C12orf43: variants seen among roughly 807,000 people sequenced by gnomAD.
C12orf43 encodes protein CUSTOS.
C12orf43 carries 15 observed loss-of-function variants against 20.6 expected under a neutral mutation model. The observed-to-expected ratio is 0.73, with a 90% confidence interval of 0.49 to 1.12. The LOEUF is 1.12. Ranked by LOEUF, C12orf43 falls within the 50% of genes most tolerant of loss-of-function variation. The pLI is 0.00. For synonymous variants in C12orf43, 144 were observed against 130.8 expected (o/e 1.10, Z -0.69); for missense variants, 334 against 344.4 (o/e 0.97, Z 0.24).
intron 1 of C12orf43, chr12:121,012,454 G>A (rs1868460149): frequency 1.4e-6 from 1 of 702,526 alleles, no homozygotes; most frequent in Non-Finnish European, 2.6e-6. Flanking sequence ...AACATCTTTG[G>A]CTGCTGTGCA....
intron 3 of C12orf43, 147 bp from the exon 4 acceptor site, chr12:121,006,541 G>A: frequency 2.8e-6 from 2 of 702,134 alleles, no homozygotes; most frequent in South Asian, 1.7e-5. Flanking sequence ...TGATGGTCTG[G>A]TTATAACATG....
At chr12:121,012,443 G>A (rs1003717778) in intron 1 of C12orf43, 41 of 702,528 alleles carry the variant, frequency 5.8e-5, no homozygotes, top group Non-Finnish European at 1.0e-4. Context: ...GGTTTTGACA[G>A]AACATCTTTG....
chr12:121,001,333 T>C lies in C12orf43; in HGVS notation c.*2820A>G. 9.4e-7 allele frequency: 1 copy of C among 1,059,304 alleles called. No homozygotes were observed. Among genetic ancestry groups the C allele is most frequent in the Non-Finnish European group, 1.4e-6 (1 of 725,838 alleles). The allele number at this position is 1,059,304 out of a possible 1,614,324, so 65.6% of individuals were successfully genotyped here. ...CTGTGCCTCGCTCCCCACTCTGCTC[T>C]GATGCATCAGAAAGGGAGGGCTCTG... On this transcript the variant is annotated 3_prime_UTR_variant, in exon 6 of 6. Coordinates refer to ENST00000288757, the MANE Select transcript of C12orf43 (RefSeq NM_022895.3).
At position 121,001,910 on chromosome 12, in the gene C12orf43, TC is replaced by T. The variant is rs1877515108; in HGVS notation, c.*2242del. On this transcript the variant is annotated 3_prime_UTR_variant, in exon 6 of 6. Transcript: ENST00000288757. Reference sequence around the variant, plus strand: ...TGACCTCCAGCTTTCCTGTATTTGTTCCCAAGAGCATCATGCCTCTGAGGCC... The same window carrying T: ...TGACCTCCAGCTTTCCTGTATTTGTTCCAAGAGCATCATGCCTCTGAGGCC... 1 of 514,548 alleles carries T rather than the reference TC, an allele frequency of 1.9e-6. No individual in the cohort carries two copies. The allele number at this position is 514,548 out of a possible 1,614,324, so 31.9% of individuals were successfully genotyped here.
intron 1 of C12orf43, among the ~76,000 whole-genome samples, chr12:121,013,311 C>T (rs1868573382): frequency 6.6e-6 from 1 of 152,184 alleles, no homozygotes; most frequent in Non-Finnish European, 1.5e-5. Context: ...AGGTGAGGTA[C>T]CGTCAGGGAA....
Position 121,001,187 on chromosome 12 carries a change from C to T in C12orf43, c.*2966G>A, listed in dbSNP as rs769244979. 6.2e-7 allele frequency: 1 copy of T among 1,614,052 alleles called. No homozygotes were observed. The highest frequency in any genetic ancestry group is 8.5e-7 in the Non-Finnish European group (1 of 1,180,002). Reference sequence around the variant, plus strand: ...CTCCACCCAGATGGCCTCTTCCTCCCAGTAACCACGGCACCTGGGCCCTGG... The same window carrying T: ...CTCCACCCAGATGGCCTCTTCCTCCTAGTAACCACGGCACCTGGGCCCTGG... On this transcript the variant is annotated 3_prime_UTR_variant, in exon 6 of 6. Coordinates refer to ENST00000288757, the MANE Select transcript of C12orf43 (RefSeq NM_022895.3).
chr12:121,012,929 G>C (rs1029463429), intron 1 of C12orf43, among the ~76,000 whole-genome samples: 3 of 149,788 alleles, frequency 2.0e-5, no homozygotes, highest in Non-Finnish European at 4.4e-5. Context: ...AGAAATGAGT[G>C]AAAGTTAGCT....
chr12:121,005,662 T>C lies in C12orf43; in HGVS notation c.362-569A>G, dbSNP rs971831719. The stretch of plus-strand genomic sequence containing the variant: ...TGGGCGAGGCTGTGGAGGGCAGCAG[T>C]AAAGTGCTCCTGCTCAGGGTGACAC... On this transcript the variant is annotated intron_variant, in intron 4 of 5. Coordinates refer to ENST00000288757, the MANE Select transcript of C12orf43 (RefSeq NM_022895.3). This position sits in a 1 kb window ranked among gnomAD's most constrained non-coding sequence, Gnocchi z 5.6. 6.6e-6 allele frequency among the ~76,000 whole-genome samples: 1 copy of C among 152,210 alleles called. No individual in the cohort carries two copies. The highest frequency in any genetic ancestry group is 2.4e-5 in the African/African-American group (1 of 41,464).
Position 121,003,973 on chromosome 12 carries a change from CT to C in C12orf43, c.*179del. On this transcript the variant is annotated 3_prime_UTR_variant, in exon 6 of 6. Transcript: ENST00000288757. ...GATTGGTCTTCTCACCCTACAGCCA[CT>C]TTTTTGGCCCAACTCTCGAGCAAGC... The C allele has an allele frequency of 8.7e-6, 6 of 686,776 alleles. No homozygotes were observed. Among genetic ancestry groups the C allele is most frequent in the Admixed American group, 2.5e-5 (1 of 39,600 alleles). 42.5% of individuals were successfully genotyped at this position (686,776 alleles called of 1,614,324 possible).
Position 121,004,574 on chromosome 12 carries a change from G to A in C12orf43, c.453-85C>T. On this transcript the variant is annotated intron_variant, in intron 5 of 5. Coordinates refer to ENST00000288757, the MANE Select transcript of C12orf43 (RefSeq NM_022895.3). The surrounding 1 kb of genome is among the most constrained non-coding windows in gnomAD (Gnocchi z 5.6). The stretch of plus-strand genomic sequence containing the variant: ...CTCTCGCTGTCCTCCCTTGGTCCAG[G>A]TCACCAGAAGGTGGCCGCAGAGAGA... The A allele has an allele frequency of 7.2e-7, 1 of 1,387,864 alleles. No individual in the cohort carries two copies. The highest frequency in any genetic ancestry group is 9.7e-7 in the Non-Finnish European group (1 of 1,029,920). The allele number at this position is 1,387,864 out of a possible 1,614,324, so 86.0% of individuals were successfully genotyped here.
At chr12:121,015,513 A>T (rs1401507089) in intron 1 of C12orf43, among the ~76,000 whole-genome samples, 1 of 152,230 alleles carries the variant, frequency 6.6e-6, no homozygotes, top group Non-Finnish European at 1.5e-5. Flanking sequence ...ATGATACCGA[A>T]ATTTAATTAT....
chr12:121,012,060 C>T (rs972543981), intron 1 of C12orf43, among the ~76,000 whole-genome samples: 1 of 151,712 alleles, frequency 6.6e-6, no homozygotes, highest in African/African-American at 2.4e-5. Flanking sequence ...ACAAAGTAGG[C>T]GAGAGAGGTG....
intron 1 of C12orf43, among the ~76,000 whole-genome samples, chr12:121,014,643 TGC>T (rs1340527747): frequency 9.1e-5 from 1 of 11,030 alleles, no homozygotes; most frequent in Non-Finnish European, 1.9e-4. Flanking sequence ...AAAAAAAAAA[TGC>T]AAAAAAAAAA....
chr12:121,005,823 G>C lies in C12orf43; in HGVS notation c.361+498C>G, dbSNP rs1448510735. On this transcript the variant is annotated intron_variant, in intron 4 of 5. Coordinates refer to ENST00000288757, the MANE Select transcript of C12orf43 (RefSeq NM_022895.3). This position sits in a 1 kb window ranked among gnomAD's most constrained non-coding sequence, Gnocchi z 5.6. Reference sequence around the variant, plus strand: ...AAGAATGGTGAGGTGGCCCATGCCTGTAACCCCAGTACTTTGGTAGTCTGA... The same window carrying C: ...AAGAATGGTGAGGTGGCCCATGCCTCTAACCCCAGTACTTTGGTAGTCTGA... The C allele has an allele frequency of 6.3e-6, 1 of 159,702 alleles. No individual in the cohort carries two copies. The highest frequency in any genetic ancestry group is 1.4e-5 in the Non-Finnish European group (1 of 72,980). 9.9% of individuals were successfully genotyped at this position (159,702 alleles called of 1,614,324 possible).
In C12orf43 at chr12:121,006,250, T is replaced by G; in HGVS notation, c.361+71A>C. On this transcript the variant is annotated intron_variant, in intron 4 of 5. Coordinates refer to ENST00000288757, the MANE Select transcript of C12orf43 (RefSeq NM_022895.3). The stretch of plus-strand genomic sequence containing the variant: ...AAAAAAAAAAAGAATATACCAAAAC[T>G]GTTTCGCCCACCTCCAGACACACAT... 6 of 1,319,976 alleles carry G rather than the reference T, an allele frequency of 4.5e-6. No individual in the cohort carries two copies. The South Asian group carries it at 5.0e-5, about 11-fold the overall frequency. 81.8% of individuals were successfully genotyped at this position (1,319,976 alleles called of 1,614,324 possible). A position where few individuals can be genotyped will look rare whatever the true frequency, so the allele number is the denominator to read the frequency against.
chr12:121,002,195 C>T lies in C12orf43; in HGVS notation c.*1958G>A, dbSNP rs1297404904. 2.2e-6 allele frequency: 1 copy of T among 459,492 alleles called. No homozygotes were observed. Among genetic ancestry groups the T allele is most frequent in the African/African-American group, 2.0e-5 (1 of 51,274 alleles). 28.5% of individuals were successfully genotyped at this position (459,492 alleles called of 1,614,324 possible). On this transcript the variant is annotated 3_prime_UTR_variant, in exon 6 of 6. Transcript: ENST00000288757. ...AGAAGAAAGAGGTGACCCCAGGGCA[C>T]AGGAGCTACCTGTGTGGACAGGACT...
rs2135855115 is a variant in C12orf43 at position 121,001,248 on chromosome 12, G to A, written c.*2905C>T. 6.2e-7 allele frequency: 1 copy of A among 1,602,476 alleles called. No individual in the cohort carries two copies. ...GCCTGCTTGGGGGGTGATGAGGGCAGCAGCCAGCCCTGCCTGGAGGACCTG... is the reference window on the plus strand; with the variant it reads ...GCCTGCTTGGGGGGTGATGAGGGCAACAGCCAGCCCTGCCTGGAGGACCTG... On this transcript the variant is annotated 3_prime_UTR_variant, in exon 6 of 6. Transcript: ENST00000288757.
At position 121,009,327 on chromosome 12, in the gene C12orf43, G is replaced by A. The variant is rs536778115; in HGVS notation, c.287+1501C>T. ...AAAATTAGCCAAGCGTGGTGGGTGC[G>A]CACCTGTAACCCCAGCTACTCAGGA... is the stretch of plus-strand genomic sequence containing the variant. On this transcript the variant is annotated intron_variant, in intron 3 of 5. Transcript: ENST00000288757. Among the ~76,000 whole-genome samples the A allele has an allele frequency of 3.9e-5, 6 of 152,146 alleles. 1 individual carries two copies. Among genetic ancestry groups the A allele is most frequent in the African/African-American group, 1.2e-4 (5 of 41,508 alleles).
In C12orf43 at chr12:121,014,863, C is replaced by T. The variant is rs537997411; in HGVS notation, c.145+1467G>A. ...GACTATACATCTGTAGTCTCAGCTA[C>T]TTGGGAGGCTGAGGTGGGAGGATCA... On this transcript the variant is annotated intron_variant, in intron 1 of 5. Coordinates refer to ENST00000288757, the MANE Select transcript of C12orf43 (RefSeq NM_022895.3). 1.5e-3 allele frequency among the ~76,000 whole-genome samples: 234 copies of T among 151,684 alleles called. 1 individual carries two copies. The highest frequency in any genetic ancestry group is 5.3e-3 in the African/African-American group (219 of 41,358).
Sources: allele counts gnomAD v4.1 joint callset (sites outside exome capture counted in the v4.1 genomes callset), GRCh38; gene constraint gnomAD v4.1.1; non-coding constraint Gnocchi (gnomAD v3.1); transcripts MANE v1.5; gene names NCBI Gene and HGNC (gene_info 2026-07-23, HGNC 2026-07-21).